The following ERBB4 variants were observed in gnomAD, a reference collection of about 807,000 sequenced individuals.
The protein encoded by ERBB4 is receptor tyrosine-protein kinase erbB-4.
A neutral mutation model predicts 158.0 loss-of-function variants in ERBB4; 42 were observed. That is an observed-to-expected ratio of 0.27 (90% CI 0.21 to 0.34). The LOEUF (loss-of-function observed/expected upper bound fraction) is 0.34. Among genes scored for constraint, ERBB4 ranks in the 10% least tolerant of loss-of-function variants. The pLI, the probability that ERBB4 is intolerant of heterozygous loss-of-function variation, is 1.00. For synonymous variants in ERBB4, 583 were observed against 558.7 expected (o/e 1.04, Z -0.61); for missense variants, 1,333 against 1,624.1 (o/e 0.82, Z 3.08).
chr2:211,984,721 A>T (rs1320399077), intron 2 of ERBB4, among the ~76,000 whole-genome samples: 1 of 152,148 alleles, frequency 6.6e-6, no homozygotes, highest in African/African-American at 2.4e-5. Context: ...AGCCATGTTC[A>T]AAAGTTTAGC....
chr2:212,085,623 T>C (rs2078581049), intron 2 of ERBB4, among the ~76,000 whole-genome samples: 1 of 151,918 alleles, frequency 6.6e-6, no homozygotes, highest in Non-Finnish European at 1.5e-5. Context: ...AAAACTATAA[T>C]GTAATATGAA....
chr2:211,722,241 G>GTTTC lies in ERBB4; in HGVS notation c.883+148_883+151dup, dbSNP rs560037674. On this transcript the variant is annotated intron_variant, in intron 7 of 27. Coordinates refer to ENST00000342788, the MANE Select transcript of ERBB4 (RefSeq NM_005235.3). ...CAAATCACTTTAAAGTTTTGGTTTA[G>GTTTC]TTTCTTTATTTATAAAATGGGGGCA... is the stretch of plus-strand genomic sequence containing the variant. 1.4e-5 allele frequency: 9 copies of GTTTC among 661,892 alleles called. No homozygotes were observed. The Admixed American group carries it at 2.4e-4, about 18-fold the overall frequency. The allele number at this position is 661,892 out of a possible 1,614,324, so 41.0% of individuals were successfully genotyped here. A position where few individuals can be genotyped will look rare whatever the true frequency, so the allele number is the denominator to read the frequency against.
At chr2:212,083,395 G>T (rs1372991127) in intron 2 of ERBB4, among the ~76,000 whole-genome samples, 2 of 151,956 alleles carry the variant, frequency 1.3e-5, no homozygotes, top group Non-Finnish European at 2.9e-5. Context: ...GGAGGAATGA[G>T]CTGTCACCAA....
At chr2:212,469,795 T>A (rs1392522214) in intron 1 of ERBB4, among the ~76,000 whole-genome samples, 1 of 152,138 alleles carries the variant, frequency 6.6e-6, no homozygotes, top group Non-Finnish European at 1.5e-5. Flanking sequence ...CTTAATCTTT[T>A]TTTCCACAAC....
intron 27 of ERBB4, among the ~76,000 whole-genome samples, chr2:211,385,982 AG>A (rs2062676508): frequency 6.6e-6 from 1 of 152,190 alleles, no homozygotes; most frequent in South Asian, 2.1e-4. Flanking sequence ...ATATTTTAAA[AG>A]GTTATTTACA....
intron 1 of ERBB4, among the ~76,000 whole-genome samples, chr2:212,418,014 G>T (rs1254437746): frequency 4.6e-5 from 7 of 151,594 alleles, no homozygotes; most frequent in Non-Finnish European, 1.0e-4. Context: ...TTCCCTGTAA[G>T]GATACAACAA....
intron 16 of ERBB4, among the ~76,000 whole-genome samples, chr2:211,646,633 T>A (rs1457050215): frequency 6.6e-6 from 1 of 151,740 alleles, no homozygotes; most frequent in Non-Finnish European, 1.5e-5. Flanking sequence ...TAACTGCTGA[T>A]GTTTGTAGTA....
At chr2:211,611,425 G>A (rs144146067) in intron 19 of ERBB4, among the ~76,000 whole-genome samples, 1 of 140,834 alleles carries the variant, frequency 7.1e-6, no homozygotes, top group African/African-American at 2.8e-5. Flanking sequence ...TTTTGCTTTC[G>A]CTTTACTTTT....
chr2:212,138,963 T>C (rs1478548374), intron 1 of ERBB4, among the ~76,000 whole-genome samples: 3 of 152,138 alleles, frequency 2.0e-5, no homozygotes, highest in African/African-American at 7.2e-5. Flanking sequence ...AGTTCCCTAC[T>C]CACTTCACAC....
In ERBB4 at chr2:212,538,727, G is replaced by A. The variant is rs1331730902; in HGVS notation, c.-197C>T. On this transcript the variant is annotated 5_prime_UTR_variant, in exon 1 of 28. Coordinates refer to ENST00000342788, the MANE Select transcript of ERBB4 (RefSeq NM_005235.3). The stretch of plus-strand genomic sequence containing the variant: ...GGGTCCAGGGCCGGGGCCCGAGGAG[G>A]GGGCGAGTGTGAGCGCGTGTGTGCG... 3 of 414,766 alleles carry A rather than the reference G, an allele frequency of 7.2e-6. No homozygotes were observed. The highest frequency in any genetic ancestry group is 1.2e-5 in the Non-Finnish European group (3 of 241,068). The allele number at this position is 414,766 out of a possible 1,614,324, so 25.7% of individuals were successfully genotyped here.
intron 1 of ERBB4, among the ~76,000 whole-genome samples, chr2:212,177,273 A>T (rs2081698625): frequency 6.6e-6 from 1 of 151,988 alleles, no homozygotes; most frequent in Non-Finnish European, 1.5e-5. Flanking sequence ...CTCATTTTTT[A>T]AAATTTGCAA....
intron 3 of ERBB4, among the ~76,000 whole-genome samples, chr2:211,909,456 T>C (rs2079484837): frequency 6.6e-6 from 1 of 151,826 alleles, no homozygotes; most frequent in South Asian, 2.1e-4. Flanking sequence ...TATAGCCTAT[T>C]ACACACTTAG....
chr2:211,880,414 T>C (rs1020448966), intron 3 of ERBB4, among the ~76,000 whole-genome samples: 1 of 152,150 alleles, frequency 6.6e-6, no homozygotes, highest in Non-Finnish European at 1.5e-5. Flanking sequence ...TATATTTTTA[T>C]CCTCCTATTA....
intron 1 of ERBB4, among the ~76,000 whole-genome samples, chr2:212,404,070 A>G (rs1456882045): frequency 6.6e-6 from 1 of 151,914 alleles, no homozygotes; most frequent in Non-Finnish European, 1.5e-5. Context: ...CCCCTAAATA[A>G]CAGGTTTTAG....
At chr2:212,422,907 C>G (rs1351124179) in intron 1 of ERBB4, among the ~76,000 whole-genome samples, 1 of 152,028 alleles carries the variant, frequency 6.6e-6, no homozygotes, top group Non-Finnish European at 1.5e-5. Context: ...ACATCATTTT[C>G]AATGGGAAGT....
At chr2:211,421,873 T>C (rs2063521677) in intron 24 of ERBB4, 134 bp downstream of exon 24, 2 of 696,984 alleles carry the variant, frequency 2.9e-6, no homozygotes, top group African/African-American at 3.5e-5. Flanking sequence ...CCATAAGTCA[T>C]GTCACATGAT....
At chr2:212,446,578 C>T (rs111423127) in intron 1 of ERBB4, among the ~76,000 whole-genome samples, 3,760 of 56,682 alleles carry the variant, frequency 0.066, 229 homozygotes, top group Non-Finnish European at 0.11. Context: ...AATAAACTCC[C>T]ATATATATAT....
intron 1 of ERBB4, among the ~76,000 whole-genome samples, chr2:212,382,940 GT>G (rs1277918384): frequency 1.3e-5 from 2 of 150,948 alleles, no homozygotes; most frequent in Non-Finnish European, 3.0e-5. Flanking sequence ...AATATTGAGG[GT>G]GTTATGTCTC....
At chr2:212,354,317 C>G (rs1349229732) in intron 1 of ERBB4, among the ~76,000 whole-genome samples, 1 of 152,030 alleles carries the variant, frequency 6.6e-6, no homozygotes, top group African/African-American at 2.4e-5. Flanking sequence ...GATTGAAGAG[C>G]TGTGAGACTC....
Sources: gnomAD v4.1 joint callset for allele counts (sites outside exome capture counted in the v4.1 genomes callset) on GRCh38, gnomAD v4.1.1 for gene constraint, MANE v1.5 for transcripts, NCBI Gene and HGNC (gene_info 2026-07-23, HGNC 2026-07-21) for gene names.